KLHL13: variants seen among roughly 807,000 people sequenced by gnomAD.
The protein encoded by KLHL13 is kelch like family member 13.
A neutral mutation model predicts 37.1 loss-of-function variants in KLHL13; 10 were observed. The observed-to-expected ratio is 0.27, with a 90% CI of 0.17 to 0.46. KLHL13 has a LOEUF of 0.46. Ranked by LOEUF, KLHL13 falls within the 20% of genes least tolerant of loss-of-function variation. KLHL13 has a pLI of 1.00. For synonymous variants in KLHL13, 163 were observed against 181.2 expected, an observed-to-expected ratio of 0.90 and a Z score of 0.81; for missense variants, 360 against 509.3, an observed-to-expected ratio of 0.71 and a Z score of 2.82.
At chrX:117,901,675 T>C (rs746315648) in intron 6 of KLHL13, among the ~76,000 whole-genome samples, 158 bp downstream of exon 7, 21 of 109,939 alleles carry the variant, frequency 1.9e-4, no homozygotes, top group Admixed American at 6.8e-4. Flanking sequence ...CAGTTAATTT[T>C]TGTATTTTTA....
At chrX:117,977,438 T>G (rs1463987123), upstream of KLHL13, among the ~76,000 whole-genome samples, 1 of 111,996 alleles carries the variant, frequency 8.9e-6, no homozygotes, top group African/African-American at 3.3e-5. Flanking sequence ...GTATAGTTTG[T>G]CACCAGTACC....
intron 1 of KLHL13, among the ~76,000 whole-genome samples, chrX:118,084,107 G>A (rs2055027744): frequency 9.1e-6 from 1 of 110,278 alleles, no homozygotes; most frequent in South Asian, 3.9e-4. Flanking sequence ...ATTGTTTGAG[G>A]CCAGGAGTTT....
chrX:118,083,827 C>T (rs951069496), intron 1 of KLHL13, among the ~76,000 whole-genome samples: 5 of 110,990 alleles, frequency 4.5e-5, no homozygotes, highest in African/African-American at 1.6e-4. Context: ...TCACATTGTA[C>T]CCCATAAATA....
At chrX:117,978,277 C>G (rs749845504), upstream of KLHL13, among the ~76,000 whole-genome samples, 12 of 112,094 alleles carry the variant, frequency 1.1e-4, no homozygotes, top group South Asian at 4.5e-3. Flanking sequence ...CATGTATATG[C>G]GTAGAGAATT....
intron 1 of KLHL13, among the ~76,000 whole-genome samples, chrX:118,011,938 A>G (rs2147991682): frequency 8.9e-6 from 1 of 112,520 alleles, no homozygotes; most frequent in African/African-American, 3.2e-5. Flanking sequence ...GATAAGAAAA[A>G]TATAGATAAA....
chrX:118,102,375 A>G (rs775815236), intron 1 of KLHL13, among the ~76,000 whole-genome samples: 1 of 111,801 alleles, frequency 8.9e-6, no homozygotes, highest in Non-Finnish European at 1.9e-5. Context: ...GTATCACCAT[A>G]GGATTAAGTT....
rs139745387 is a variant in KLHL13 at position 118,115,771 on chromosome X, T to A, written c.-56+737A>T. Among the ~76,000 whole-genome samples the A allele has an allele frequency of 6.1e-3, 683 of 112,310 alleles. 5 individuals are homozygous for A. Among genetic ancestry groups the A allele is most frequent in the Non-Finnish European group, 8.1e-3 (431 of 53,295 alleles). ...TACGAAGATTGCGTACCAACATATA[T>A]ACATACATTTTAAGTGGCTATTGTT... On this transcript the variant is annotated intron_variant, in intron 1 of 6. Transcript: ENST00000371882.
rs368164771 is a variant in KLHL13, at chrX:118,049,564, T to C, written c.-56+66944A>G. 2.3e-4 allele frequency among the ~76,000 whole-genome samples: 25 copies of C among 110,789 alleles called. 3 individuals are homozygous for C. The highest frequency in any genetic ancestry group is 2.0e-3 in the Admixed American group (21 of 10,296). ...GTCTTATCCTAAAATACCTGAGCAC[T>C]AACTGTTGCATTGAGTGGTGATTCT... On this transcript the variant is annotated intron_variant, in intron 1 of 6. Transcript: ENST00000371882.
At chrX:118,057,022 A>T (rs184533444) in intron 1 of KLHL13, among the ~76,000 whole-genome samples, 1 of 111,767 alleles carries the variant, frequency 8.9e-6, no homozygotes, top group East Asian at 2.8e-4. Context: ...GTTCCTTGGG[A>T]CTTTTTTTCA....
chrX:118,076,678 G>A (rs2054931769), intron 1 of KLHL13, among the ~76,000 whole-genome samples: 1 of 111,147 alleles, frequency 9.0e-6, no homozygotes, highest in African/African-American at 3.3e-5. Flanking sequence ...TAATGTTGAT[G>A]AGTCTCATCC....
chrX:118,040,692 T>C (rs1314166733), intron 1 of KLHL13, among the ~76,000 whole-genome samples: 1 of 111,511 alleles, frequency 9.0e-6, no homozygotes, highest in African/African-American at 3.3e-5. Context: ...AAGATATCAA[T>C]ATTCAAGTAT....
At chrX:118,026,740 A>G (rs1417690086) in intron 1 of KLHL13, among the ~76,000 whole-genome samples, 1 of 111,996 alleles carries the variant, frequency 8.9e-6, no homozygotes, top group Non-Finnish European at 1.9e-5. Context: ...AACAGCAGAC[A>G]TGATACCCAA....
chrX:117,964,758 C>T (rs998713223), intron 1 of KLHL13, among the ~76,000 whole-genome samples: 1 of 110,856 alleles, frequency 9.0e-6, no homozygotes, highest in East Asian at 2.8e-4. Context: ...CCATAACAGT[C>T]CCCAGAGTGT....
At chrX:117,920,418 T>C (rs1931626823) in intron 2 of KLHL13, 48 bp from the exon 4 acceptor site, 1 of 1,158,700 alleles carries the variant, frequency 8.6e-7, no homozygotes, top group South Asian at 1.9e-5. Context: ...AAAATGAGGT[T>C]ACAAATCTTC....
chrX:118,000,632 T>C (rs949001764), intron 1 of KLHL13, among the ~76,000 whole-genome samples: 11 of 112,036 alleles, frequency 9.8e-5, no homozygotes, highest in Non-Finnish European at 1.9e-4. Flanking sequence ...CAACCCCTTA[T>C]CCACAATTTC....
Position 118,050,467 on chromosome X carries a change from T to C in KLHL13, c.-56+66041A>G, listed in dbSNP as rs919954710. Among the ~76,000 whole-genome samples the C allele has an allele frequency of 4.5e-5, 5 of 112,003 alleles. No individual in the cohort carries two copies. In the East Asian group the frequency reaches 1.4e-3, roughly 31 times the overall value. On this transcript the variant is annotated intron_variant, in intron 1 of 6. Coordinates refer to the KLHL13 transcript ENST00000371882. ...TTAGGCTTAGCTGTCTTTATTTCTT[T>C]CAATTTCATAATGTTACAATTCTTA...
chrX:118,114,355 T>C (rs985495939), intron 1 of KLHL13, among the ~76,000 whole-genome samples: 2 of 112,209 alleles, frequency 1.8e-5, no homozygotes, highest in African/African-American at 6.5e-5. Flanking sequence ...AGATGGACTA[T>C]CAAACACATA....
At chrX:118,032,383 G>C (rs1256747183) in intron 1 of KLHL13, among the ~76,000 whole-genome samples, 2 of 111,941 alleles carry the variant, frequency 1.8e-5, no homozygotes, top group South Asian at 3.7e-4. Flanking sequence ...CCAGCACGCA[G>C]CTGGAGATCT....
intron 1 of KLHL13, among the ~76,000 whole-genome samples, chrX:118,008,734 T>C (rs1322438340): frequency 4.5e-5 from 5 of 111,491 alleles, no homozygotes; most frequent in African/African-American, 1.6e-4. Flanking sequence ...TATGGCTAAA[T>C]GCAAAGACTC....
Sources: gnomAD v4.1 joint callset for allele counts (sites outside exome capture counted in the v4.1 genomes callset) on GRCh38, gnomAD v4.1.1 for gene constraint, MANE v1.5 for transcripts, NCBI Gene and HGNC (gene_info 2026-07-23, HGNC 2026-07-21) for gene names.